OSBPL6: variants seen among roughly 807,000 people sequenced by gnomAD.
The protein encoded by OSBPL6 is oxysterol binding protein like 6.
A neutral mutation model predicts 125.8 loss-of-function variants in OSBPL6; 49 were observed. The ratio of observed to expected loss-of-function variants is 0.39; its 90% confidence interval spans 0.31 to 0.49. OSBPL6 has a LOEUF of 0.49. Ranked by LOEUF, OSBPL6 falls within the 20% of genes least tolerant of loss-of-function variation. OSBPL6 has a pLI of 0.88. For missense variants in OSBPL6, 986 were observed against 1,135.4 expected (o/e 0.87, Z 1.89); for synonymous variants, 394 against 391.8 (o/e 1.01, Z -0.07).
At position 178,396,471 on chromosome 2, in the gene OSBPL6, G is replaced by C. The variant is rs1695851482; in HGVS notation, c.*912G>C. On this transcript the variant is annotated 3_prime_UTR_variant, in exon 25 of 25. Coordinates refer to ENST00000190611, the MANE Select transcript of OSBPL6 (RefSeq NM_032523.4). ...CTTTGATTTGGACATTTGGTCATCA[G>C]TGTTAAAACCTTAAAAGGAAATAAC... 1 of 152,170 alleles carries C rather than the reference G, an allele frequency of 6.6e-6. No homozygotes were observed. The highest frequency in any genetic ancestry group is 2.4e-5 in the African/African-American group (1 of 41,442). 9.4% of individuals were successfully genotyped at this position (152,170 alleles called of 1,614,324 possible). A position where few individuals can be genotyped will look rare whatever the true frequency, so the allele number is the denominator to read the frequency against.
intron 6 of OSBPL6, 147 bp downstream of exon 6, chr2:178,331,752 A>G (rs1689214601): frequency 7.5e-6 from 6 of 795,296 alleles, no homozygotes; most frequent in Non-Finnish European, 1.3e-5. Flanking sequence ...CCAAACCTCC[A>G]TGTTCTAAAG....
intron 3 of OSBPL6, chr2:178,320,365 T>C: frequency 6.2e-7 from 1 of 1,613,244 alleles, no homozygotes; most frequent in East Asian, 2.2e-5. Context: ...AAGCTAAATA[T>C]GCATCAGTTA....
At position 178,385,501 on chromosome 2, in the gene OSBPL6, A is replaced by C. The variant is rs369690227; in HGVS notation, c.2057A>C (p.Lys686Thr). 6 of 1,610,920 alleles carry C rather than the reference A, an allele frequency of 3.7e-6. No individual in the cohort carries two copies. The highest frequency in any genetic ancestry group is 1.7e-4 in the Middle Eastern group (1 of 6,058). Residue 686 changes from lysine to threonine, a missense_variant, in exon 19 of 25, where the codon AAG becomes ACG. Transcript: ENST00000190611. Reference sequence around the variant, plus strand: ...ATTTCTGCCTGTCACTGTGAATCAAAGAATTTTGTGTTTTGGCAAGGTTTG... The same window carrying C: ...ATTTCTGCCTGTCACTGTGAATCAACGAATTTTGTGTTTTGGCAAGGTTTG... Reference protein sequence around the residue: ...PPISACHCESKNFVFWQDIRW... With the variant: ...PPISACHCESTNFVFWQDIRW...
At chr2:178,233,953 G>A (rs1428359504) in intron 1 of OSBPL6, among the ~76,000 whole-genome samples, 1 of 152,044 alleles carries the variant, frequency 6.6e-6, no homozygotes, top group East Asian at 1.9e-4. Flanking sequence ...TTTACATATT[G>A]AGACAGTAAT....
chr2:178,386,720 C>CA (rs1213265445), intron 19 of OSBPL6, among the ~76,000 whole-genome samples: 3 of 124,310 alleles, frequency 2.4e-5, no homozygotes, highest in African/African-American at 9.5e-5. Flanking sequence ...AATACACACA[C>CA]ACAGACACAC....
chr2:178,251,487 A>G (rs983346407), intron 1 of OSBPL6, among the ~76,000 whole-genome samples: 3 of 151,914 alleles, frequency 2.0e-5, no homozygotes, highest in Non-Finnish European at 4.4e-5. Context: ...ATGGGAGCAG[A>G]AATAAAATGA....
chr2:178,317,530 T>C (rs1687867899), intron 3 of OSBPL6, among the ~76,000 whole-genome samples: 1 of 147,632 alleles, frequency 6.8e-6, no homozygotes, highest in Non-Finnish European at 1.5e-5. Flanking sequence ...ATATTGTATA[T>C]GATGAATATT....
chr2:178,249,264 A>G (rs562715855), intron 1 of OSBPL6, among the ~76,000 whole-genome samples: 34 of 152,312 alleles, frequency 2.2e-4, no homozygotes, highest in African/African-American at 8.2e-4. Context: ...TAAGCAAAAT[A>G]TTATGTTTTA....
chr2:178,389,348 A>G (rs544869219), intron 21 of OSBPL6, among the ~76,000 whole-genome samples, 195 bp downstream of exon 21: 2 of 152,326 alleles, frequency 1.3e-5, no homozygotes, highest in East Asian at 3.9e-4. Context: ...ATGGAGGTCA[A>G]AAAAGGCATC....
intron 13 of OSBPL6, among the ~76,000 whole-genome samples, chr2:178,364,839 A>G (rs1692664109): frequency 6.6e-6 from 1 of 152,170 alleles, no homozygotes; most frequent in Non-Finnish European, 1.5e-5. Context: ...ATGCAGTCAG[A>G]ATAAAATGGT....
intron 13 of OSBPL6, among the ~76,000 whole-genome samples, chr2:178,367,043 A>G (rs1692902529): frequency 6.6e-6 from 1 of 152,238 alleles, no homozygotes; most frequent in South Asian, 2.1e-4. Flanking sequence ...TAAGTGTCCA[A>G]TAGTAGGAAA....
chr2:178,263,571 A>G (rs1354779567), intron 1 of OSBPL6, among the ~76,000 whole-genome samples: 1 of 152,192 alleles, frequency 6.6e-6, no homozygotes, highest in East Asian at 1.9e-4. Context: ...AGCCCCAGAG[A>G]TGGTAAGTTA....
intron 3 of OSBPL6, 45 bp downstream of exon 3, chr2:178,306,331 C>T (rs1232842959): frequency 8.7e-7 from 1 of 1,143,002 alleles, no homozygotes; most frequent in Middle Eastern, 2.0e-4. Flanking sequence ...TATGCAAATG[C>T]AATACCACTG....
rs895908858 is a variant in OSBPL6, at chr2:178,389,044, C to G, written c.2192C>G (p.Thr731Ser). The G allele has an allele frequency of 3.7e-6, 6 of 1,613,864 alleles. No individual in the cohort carries two copies. In the African/African-American group the frequency reaches 5.3e-5, roughly 14 times the overall value. Residue 731 changes from threonine to serine, a missense_variant, in exon 21 of 25, where the codon ACT becomes AGT. Around this residue, in one of 3 missense-constraint regions of OSBPL6, gnomAD observed 843 missense variants for 997.3 expected, o/e 0.85. Coordinates refer to ENST00000190611, the MANE Select transcript of OSBPL6 (RefSeq NM_032523.4). Reference sequence around the variant, plus strand: ...TACTATGTGTGGAATAAAGTCACCACTTGCATACACAACATCCTCAGTGGG... The same window carrying G: ...TACTATGTGTGGAATAAAGTCACCAGTTGCATACACAACATCCTCAGTGGG... ...GDYYVWNKVT[T>S]CIHNILSGRR...
intron 3 of OSBPL6, among the ~76,000 whole-genome samples, chr2:178,309,029 C>T (rs537472134): frequency 6.6e-6 from 1 of 152,192 alleles, no homozygotes; most frequent in Admixed American, 6.5e-5. Context: ...CCATTTTCCT[C>T]CCAACCTCAA....
intron 1 of OSBPL6, among the ~76,000 whole-genome samples, chr2:178,200,589 G>A (rs2089194793): frequency 6.6e-6 from 1 of 152,000 alleles, no homozygotes; most frequent in Non-Finnish European, 1.5e-5. Flanking sequence ...AAATCATGAT[G>A]TAACTTTCTT....
intron 1 of OSBPL6, among the ~76,000 whole-genome samples, chr2:178,227,152 G>A (rs2090598309): frequency 6.6e-6 from 1 of 152,130 alleles, no homozygotes; most frequent in Non-Finnish European, 1.5e-5. Context: ...GGATATGCAT[G>A]GGTATTTTAC....
chr2:178,275,398 A>G (rs899994837), intron 1 of OSBPL6, among the ~76,000 whole-genome samples: 2 of 152,120 alleles, frequency 1.3e-5, no homozygotes, highest in African/African-American at 4.8e-5. Flanking sequence ...TGTAATCCCA[A>G]CTACTCACAA....
intron 1 of OSBPL6, among the ~76,000 whole-genome samples, chr2:178,283,570 T>G (rs1684420861): frequency 2.7e-5 from 4 of 150,082 alleles, no homozygotes; most frequent in Non-Finnish European, 1.5e-5. Flanking sequence ...ACTTGTCACA[T>G]TTTTCTCTTA....
Sources: allele counts gnomAD v4.1 joint callset (sites outside exome capture counted in the v4.1 genomes callset), GRCh38; gene constraint gnomAD v4.1.1; regional missense constraint gnomAD v4.1.1; transcripts MANE v1.5; gene names NCBI Gene and HGNC (gene_info 2026-07-23, HGNC 2026-07-21).